The following CLIP2 variants were observed in gnomAD, a reference collection of about 807,000 sequenced individuals.
The protein encoded by CLIP2 is CAP-Gly domain containing linker protein 2, also known as CAP-Gly domain-containing linker protein 2.
Under a neutral mutation model 111.7 loss-of-function variants are expected in CLIP2, and 41 were observed. The ratio of observed to expected loss-of-function variants is 0.37; its 90% CI spans 0.29 to 0.48. CLIP2 has a LOEUF of 0.48. Among genes scored for constraint, CLIP2 ranks in the 20% least tolerant of loss-of-function variants. The probability of loss-of-function intolerance (pLI) is 0.99; values close to 1 mark genes in which losing one functional copy is unlikely to be tolerated. For missense variants in CLIP2, 1,160 were observed against 1,422.1 expected, an observed-to-expected ratio of 0.82 and a Z score of 2.96; for synonymous variants, 660 against 644.2, an observed-to-expected ratio of 1.02 and a Z score of -0.37.
chr7:74,347,837 A>G (rs1377043110), intron 3 of CLIP2, among the ~76,000 whole-genome samples: 1 of 152,208 alleles, frequency 6.6e-6, no homozygotes, highest in Non-Finnish European at 1.5e-5. Flanking sequence ...AAGAAACTGC[A>G]CAGAAGTGTT....
chr7:74,400,225 AGAGGC>A, intron 14 of CLIP2, 140 bp from the exon 15 acceptor site: 1 of 601,142 alleles, frequency 1.7e-6, no homozygotes, highest in Non-Finnish European at 2.8e-6. Context: ...AGCACCTCAC[AGAGGC>A]CTGAGGGACC....
intron 2 of CLIP2, among the ~76,000 whole-genome samples, chr7:74,324,831 A>AG (rs1163548934): frequency 6.6e-6 from 1 of 151,840 alleles, no homozygotes; most frequent in Non-Finnish European, 1.5e-5. Context: ...AAAAAAAAAA[A>AG]AAAAAAAGCC....
chr7:74,347,746 T>G (rs1174902926), intron 3 of CLIP2, among the ~76,000 whole-genome samples: 1 of 152,174 alleles, frequency 6.6e-6, no homozygotes, highest in Admixed American at 6.6e-5. Context: ...CCACTGAATA[T>G]GTGACTATGA....
rs190105457 is a variant in CLIP2, at chr7:74,322,584, A to G, written c.121+4917A>G. Among the ~76,000 whole-genome samples the G allele has an allele frequency of 2.4e-4, 36 of 152,116 alleles. 1 individual carries two copies. In the East Asian group the frequency reaches 6.1e-3, roughly 26 times the overall value. Reference sequence around the variant, plus strand: ...GAGTGAGACTCCGTCTCAAAAAACAAACAGACAGGAGACAGGATCTCATTA... The same window carrying G: ...GAGTGAGACTCCGTCTCAAAAAACAGACAGACAGGAGACAGGATCTCATTA... On this transcript the variant is annotated intron_variant, in intron 2 of 16. Coordinates refer to ENST00000223398, the MANE Select transcript of CLIP2 (RefSeq NM_003388.5).
chr7:74,317,045 T>C (rs1788796366), intron 1 of CLIP2, among the ~76,000 whole-genome samples: 1 of 152,182 alleles, frequency 6.6e-6, no homozygotes. Context: ...AGTCTAAAAG[T>C]GGTCTTTGTT....
chr7:74,385,990 C>T (rs1184163308), intron 11 of CLIP2, among the ~76,000 whole-genome samples: 1 of 151,654 alleles, frequency 6.6e-6, no homozygotes, highest in Non-Finnish European at 1.5e-5. Flanking sequence ...GATCCACCTG[C>T]CTTGGCCTCC....
At chr7:74,303,307 C>T (rs1271734886) in intron 1 of CLIP2, among the ~76,000 whole-genome samples, 3 of 152,158 alleles carry the variant, frequency 2.0e-5, no homozygotes, top group East Asian at 1.9e-4. Flanking sequence ...CAGTGGGGTC[C>T]GTGGAGCAGG....
rs782274370 is a variant in CLIP2 at position 74,376,813 on chromosome 7, G to T, written c.2412G>T (p.Gln804His). The change falls in exon 10 of 17, where the codon CAG (glutamine) becomes CAT (histidine). Residue 804 changes from glutamine to histidine, a missense_variant. This residue lies in a region of CLIP2 where 676 missense variants were observed against 777.8 expected (regional missense o/e 0.87). Coordinates refer to ENST00000223398, the MANE Select transcript of CLIP2 (RefSeq NM_003388.5). This position sits in a 1 kb window ranked among gnomAD's most constrained non-coding sequence, Gnocchi z 7.1. The part of the protein sequence containing the change: ...LQAVEALCSS[Q>H]HTHMIESNDI... ...CGGTCGAGGCCCTGTGCTCCTCCCA[G>T]CACACCCACGTAGGCGCCTGCCCCT... 1.9e-6 allele frequency: 3 copies of T among 1,591,354 alleles called. No homozygotes were observed. The Admixed American group carries it at 5.3e-5, about 28-fold the overall frequency.
At chr7:74,333,099 C>A (rs1789345305) in intron 2 of CLIP2, among the ~76,000 whole-genome samples, 1 of 152,208 alleles carries the variant, frequency 6.6e-6, no homozygotes, top group South Asian at 2.1e-4. Flanking sequence ...ATGCTTTGAA[C>A]TTGAAACTTG....
At chr7:74,309,149 A>G (rs1209546420) in intron 1 of CLIP2, among the ~76,000 whole-genome samples, 2 of 151,378 alleles carry the variant, frequency 1.3e-5, no homozygotes, top group South Asian at 2.2e-4. Flanking sequence ...GATTACAGGT[A>G]TAAGCCACTA....
In CLIP2 at chr7:74,376,476, C is replaced by CG. The variant is rs1790791061; in HGVS notation, c.2075_2076insG (p.Gln693ProfsTer99). ...GCCCTGCGAGAGAAGCTGCAGGAGGCCCAGGAGGAGCTGGCTGGGCTGCAG... is the reference window on the plus strand; with the variant it reads ...GCCCTGCGAGAGAAGCTGCAGGAGGCGCCAGGAGGAGCTGGCTGGGCTGCAG... On this transcript the variant is annotated frameshift_variant, in exon 10 of 17. Transcript: ENST00000223398. LOFTEE classifies it high-confidence loss of function. This position sits in a 1 kb window ranked among gnomAD's most constrained non-coding sequence, Gnocchi z 7.1. The CG allele has an allele frequency of 6.2e-7, 1 of 1,612,972 alleles. No homozygotes were observed. Among genetic ancestry groups the CG allele is most frequent in the African/African-American group, 1.3e-5 (1 of 74,532 alleles).
chr7:74,356,430 A>C lies in CLIP2; in HGVS notation c.824A>C (p.Lys275Thr). The C allele has an allele frequency of 6.2e-7, 1 of 1,614,106 alleles. No individual in the cohort carries two copies. Among genetic ancestry groups the C allele is most frequent in the Non-Finnish European group, 8.5e-7 (1 of 1,180,022 alleles). The change falls in exon 5 of 17, where the codon AAG (lysine) becomes ACG (threonine). Residue 275 changes from lysine to threonine, a missense_variant. Transcript: ENST00000223398. ...AGTRYFQCPP[K>T]FGLFAPIHKV... Reference sequence around the variant, plus strand: ...CACAGGTACTTCCAGTGCCCACCCAAGTTTGGTCTCTTCGCGCCCATCCAC... The same window carrying C: ...CACAGGTACTTCCAGTGCCCACCCACGTTTGGTCTCTTCGCGCCCATCCAC...
rs529365428 is a variant in CLIP2, at chr7:74,323,421, T to C, written c.121+5754T>C. The stretch of plus-strand genomic sequence containing the variant: ...GCCTAGATATCTTTTTTTTTCCTTT[T>C]CTTTTCTTTTTTTTTTTCTTTTTTG... On this transcript the variant is annotated intron_variant, in intron 2 of 16. Transcript: ENST00000223398. Among the ~76,000 whole-genome samples the C allele has an allele frequency of 1.1e-4, 16 of 151,602 alleles. 1 individual carries two copies. The highest frequency in any genetic ancestry group is 4.2e-4 in the South Asian group (2 of 4,804).
intron 1 of CLIP2, among the ~76,000 whole-genome samples, chr7:74,293,374 TCTC>T (rs1400189131): frequency 1.7e-4 from 26 of 152,068 alleles, no homozygotes; most frequent in Admixed American, 3.9e-4. Context: ...CCCGTCTCCT[TCTC>T]CTTTCCCCTA....
At chr7:74,322,242 C>T (rs1163399131) in intron 2 of CLIP2, among the ~76,000 whole-genome samples, 3 of 151,426 alleles carry the variant, frequency 2.0e-5, no homozygotes, top group Admixed American at 6.6e-5. Flanking sequence ...CCACTGGCCT[C>T]GACCTGCTAA....
rs1035118074 is a variant in CLIP2, at chr7:74,397,660, T to G, written c.2880+427T>G. Reference sequence around the variant, plus strand: ...GCCTGGGATTCTGGGTGGCTGAGTTTTTTTTGTTTTTTTTTTTTTTTTTTG... The same window carrying G: ...GCCTGGGATTCTGGGTGGCTGAGTTGTTTTTGTTTTTTTTTTTTTTTTTTG... On this transcript the variant is annotated intron_variant, in intron 14 of 16. Transcript: ENST00000223398. Among the ~76,000 whole-genome samples the G allele has an allele frequency of 5.3e-3, 436 of 82,124 alleles. 8 individuals carry two copies. Among genetic ancestry groups the G allele is most frequent in the African/African-American group, 0.025 (403 of 15,846 alleles). 53.9% of individuals were successfully genotyped at this position (82,124 alleles called of 152,430 possible).
chr7:74,356,357 C>T, intron 4 of CLIP2, 53 bp from the exon 5 acceptor site: 2 of 1,483,996 alleles, frequency 1.3e-6, no homozygotes, highest in African/African-American at 1.4e-5. Flanking sequence ...GCAGGGGAGG[C>T]TCTCCAGGCT....
At chr7:74,359,543 GAT>G (rs1554309327) in intron 6 of CLIP2, among the ~76,000 whole-genome samples, 2 of 151,810 alleles carry the variant, frequency 1.3e-5, no homozygotes, top group African/African-American at 4.8e-5. Context: ...TTTTAGTAGA[GAT>G]GGGGTTTCAC....
At chr7:74,357,580 T>C (rs1322316256) in intron 6 of CLIP2, 103 bp downstream of exon 6, 18 of 1,024,478 alleles carry the variant, frequency 1.8e-5, no homozygotes, top group African/African-American at 4.8e-5. Context: ...CAGAGAAATA[T>C]GAAGATAACA....
Sources: allele counts gnomAD v4.1 joint callset (sites outside exome capture counted in the v4.1 genomes callset), GRCh38; gene constraint gnomAD v4.1.1; regional missense constraint gnomAD v4.1.1; non-coding constraint Gnocchi (gnomAD v3.1); transcripts MANE v1.5; gene names NCBI Gene and HGNC (gene_info 2026-07-23, HGNC 2026-07-21).